The following PXDC1 variants were observed in gnomAD, a reference collection of about 807,000 sequenced individuals.
The protein encoded by PXDC1 is PX domain containing 1, also known as PX domain-containing protein 1.
Under a neutral mutation model 24.4 loss-of-function variants are expected in PXDC1, and 13 were observed. That is an observed-to-expected ratio of 0.53 (90% CI 0.35 to 0.85). The LOEUF (loss-of-function observed/expected upper bound fraction) is 0.85. PXDC1 is among the 40% of genes least tolerant of loss of function. The pLI, the probability that PXDC1 is intolerant of heterozygous loss-of-function variation, is 0.01. For missense variants in PXDC1, 344 were observed against 309.3 expected (o/e 1.11, Z -0.84); for synonymous variants, 162 against 124.9 (o/e 1.30, Z -1.98).
Position 3,737,397 on chromosome 6 carries a change from G to A in PXDC1, c.349-201C>T, listed in dbSNP as rs541773235. Among the ~76,000 whole-genome samples the A allele has an allele frequency of 1.3e-5, 2 of 152,328 alleles. No individual in the cohort carries two copies. Among genetic ancestry groups the A allele is most frequent in the South Asian group, 2.1e-4 (1 of 4,830 alleles). Reference sequence around the variant, plus strand: ...GCCCTCACATGCTCATGGCCCAGGCGGCTGAAAGGCAAGGCCTCAGCGACC... The same window carrying A: ...GCCCTCACATGCTCATGGCCCAGGCAGCTGAAAGGCAAGGCCTCAGCGACC... On this transcript the variant is annotated intron_variant, in intron 2 of 4. Coordinates refer to ENST00000380283, the MANE Select transcript of PXDC1 (RefSeq NM_183373.4). The surrounding 1 kb of genome is among the most constrained non-coding windows in gnomAD (Gnocchi z 5.5).
chr6:3,741,338 C>T (rs145917366), intron 1 of PXDC1, among the ~76,000 whole-genome samples: 85 of 152,338 alleles, frequency 5.6e-4, no homozygotes, highest in African/African-American at 2.0e-3. Context: ...AACAACCAAA[C>T]AAAAGGAGCC....
rs1333187872 is a variant in PXDC1 at position 3,723,075 on chromosome 6, TAAAAA to T, written c.*539_*543del. ...CCAAACCCAGTTTCCAGATAAAAGA[TAAAAA>T]GAAAAAAAAAAAGGCCACATATCCC... On this transcript the variant is annotated 3_prime_UTR_variant, in exon 5 of 5. Transcript: ENST00000380283. The T allele has an allele frequency of 6.3e-5, 9 of 141,830 alleles. No homozygotes were observed. Among genetic ancestry groups the T allele is most frequent in the South Asian group, 2.2e-4 (1 of 4,468 alleles). 8.8% of individuals were successfully genotyped at this position (141,830 alleles called of 1,614,324 possible). A position where few individuals can be genotyped will look rare whatever the true frequency, so the allele number is the denominator to read the frequency against.
At position 3,737,845 on chromosome 6, in the gene PXDC1, G is replaced by A; in HGVS notation, c.348+212C>T. The A allele has an allele frequency of 6.7e-6, 2 of 299,658 alleles. No individual in the cohort carries two copies. The highest frequency in any genetic ancestry group is 9.8e-6 in the Non-Finnish European group (2 of 203,228). The allele number at this position is 299,658 out of a possible 1,614,324, so 18.6% of individuals were successfully genotyped here. A position where few individuals can be genotyped will look rare whatever the true frequency, so the allele number is the denominator to read the frequency against. ...CTTTCCCCAGGGAGGAAAAACCGGG[G>A]CCACTGGAGCCCATGAAAGCCTTCT... is the stretch of plus-strand genomic sequence containing the variant. On this transcript the variant is annotated intron_variant, in intron 2 of 4. Transcript: ENST00000380283. The surrounding 1 kb of genome is among the most constrained non-coding windows in gnomAD (Gnocchi z 5.5).
chr6:3,731,790 G>T (rs567635152), intron 3 of PXDC1, among the ~76,000 whole-genome samples: 4 of 152,154 alleles, frequency 2.6e-5, no homozygotes, highest in Non-Finnish European at 4.4e-5. Context: ...AATGTCCCTC[G>T]ATTTGGGTTT....
Position 3,725,600 on chromosome 6 carries a change from G to A in PXDC1, c.579-1864C>T, listed in dbSNP as rs1042888392. ...CCGGCGGCACTGGGCTCACAGGCTC[G>A]GGCCAGACAATCAGCCTCGGGTGCC... On this transcript the variant is annotated intron_variant, in intron 4 of 4. Transcript: ENST00000380283. The surrounding 1 kb of genome is among the most constrained non-coding windows in gnomAD (Gnocchi z 4.8). Among the ~76,000 whole-genome samples the A allele has an allele frequency of 6.6e-6, 1 of 152,240 alleles. No individual in the cohort carries two copies. The highest frequency in any genetic ancestry group is 2.4e-5 in the African/African-American group (1 of 41,472).
intron 3 of PXDC1, 95 bp downstream of exon 3, chr6:3,736,984 G>A (rs1760332952): frequency 2.6e-6 from 2 of 764,326 alleles, no homozygotes; most frequent in African/African-American, 3.4e-5. Context: ...GGAAAAGTGT[G>A]GCCCAGCCTC....
chr6:3,741,326 T>G (rs1047669822), intron 1 of PXDC1, among the ~76,000 whole-genome samples: 5 of 152,214 alleles, frequency 3.3e-5, no homozygotes, highest in Middle Eastern at 3.2e-3. Context: ...GTAAACATCC[T>G]TAACAACCAA....
intron 3 of PXDC1, among the ~76,000 whole-genome samples, chr6:3,732,274 C>A (rs1250300269): frequency 6.6e-6 from 1 of 152,224 alleles, no homozygotes; most frequent in Non-Finnish European, 1.5e-5. Context: ...GCCTTCCTCC[C>A]TTTCACCTCC....
chr6:3,751,295 C>T lies in PXDC1; in HGVS notation c.237G>A (p.Ala79=), dbSNP rs1302555157. The part of the protein sequence containing the change: ...DAFPEDRSEL[A]QGPLRQGLVA... ...CCGCACCTTGCCGCAGCGGCCCCTG[C>T]GCCAGTTCGGACCGGTCCTCGGGAA... Residue 79 remains alanine (A), a synonymous_variant, in exon 1 of 5, where the codon GCG becomes GCA. Coordinates refer to ENST00000380283, the MANE Select transcript of PXDC1 (RefSeq NM_183373.4). The T allele has an allele frequency of 1.3e-6, 2 of 1,531,238 alleles. No homozygotes were observed. The highest frequency in any genetic ancestry group is 1.7e-6 in the Non-Finnish European group (2 of 1,143,584). The allele number at this position is 1,531,238 out of a possible 1,614,324, so 94.9% of individuals were successfully genotyped here.
At chr6:3,735,912 AG>A (rs1216176361) in intron 3 of PXDC1, among the ~76,000 whole-genome samples, 1 of 152,242 alleles carries the variant, frequency 6.6e-6, no homozygotes. Flanking sequence ...CAAACAAAAA[AG>A]TAAAAAACAA....
chr6:3,737,003 C>T lies in PXDC1; in HGVS notation c.466+76G>A, dbSNP rs1426871474. On this transcript the variant is annotated intron_variant, in intron 3 of 4. Transcript: ENST00000380283. This position sits in a 1 kb window ranked among gnomAD's most constrained non-coding sequence, Gnocchi z 5.5. Reference sequence around the variant, plus strand: ...AAGTGTGGCCCAGCCTCAGAGACAGCCAACTGTGAGGGTTTCTGTGACATC... The same window carrying T: ...AAGTGTGGCCCAGCCTCAGAGACAGTCAACTGTGAGGGTTTCTGTGACATC... 2.3e-6 allele frequency: 2 copies of T among 876,288 alleles called. No homozygotes were observed. The highest frequency in any genetic ancestry group is 1.4e-5 in the South Asian group (1 of 72,418). The allele number at this position is 876,288 out of a possible 1,614,324, so 54.3% of individuals were successfully genotyped here.
intron 1 of PXDC1, among the ~76,000 whole-genome samples, chr6:3,749,779 G>A (rs189077640): frequency 2.0e-5 from 3 of 152,150 alleles, no homozygotes; most frequent in Admixed American, 1.3e-4. Flanking sequence ...AGCCCCACGG[G>A]GATCCCGCTC....
chr6:3,745,116 G>A (rs1049650308), intron 1 of PXDC1, among the ~76,000 whole-genome samples: 1 of 152,206 alleles, frequency 6.6e-6, no homozygotes, highest in African/African-American at 2.4e-5. Context: ...TAGTCCGTAG[G>A]GATCCCACTG....
chr6:3,750,870 C>T (rs1256637759), intron 1 of PXDC1, among the ~76,000 whole-genome samples: 3 of 152,140 alleles, frequency 2.0e-5, no homozygotes, highest in African/African-American at 4.8e-5. Context: ...TAACTGCTCC[C>T]AGACGCTTTC....
chr6:3,738,936 C>A (rs780019340), intron 1 of PXDC1: 4 of 1,301,594 alleles, frequency 3.1e-6, no homozygotes, highest in Non-Finnish European at 3.0e-6. Flanking sequence ...GCGTCTCCCC[C>A]ACACTTGTGT....
rs759793438 is a variant in PXDC1 at position 3,724,225 on chromosome 6, G to A, written c.579-489C>T. ...GGCTGGAGAAGAGCCGGCGAGGCCC[G>A]TGGAGGTCACGGGGGGAGACACCTT... On this transcript the variant is annotated intron_variant, in intron 4 of 4. Coordinates refer to ENST00000380283, the MANE Select transcript of PXDC1 (RefSeq NM_183373.4). The surrounding 1 kb of genome is among the most constrained non-coding windows in gnomAD (Gnocchi z 4.5). Among the ~76,000 whole-genome samples, 17 of 152,282 alleles carry A rather than the reference G, an allele frequency of 1.1e-4. No homozygotes were observed. Among genetic ancestry groups the A allele is most frequent in the East Asian group, 1.9e-4 (1 of 5,174 alleles).
At chr6:3,739,505 A>G (rs1760406654) in intron 1 of PXDC1, among the ~76,000 whole-genome samples, 1 of 152,242 alleles carries the variant, frequency 6.6e-6, no homozygotes, top group African/African-American at 2.4e-5. Context: ...GCAGGGCACA[A>G]GGGTCCAAGA....
At chr6:3,733,729 C>T (rs1760254495) in intron 3 of PXDC1, among the ~76,000 whole-genome samples, 1 of 152,176 alleles carries the variant, frequency 6.6e-6, no homozygotes, top group Non-Finnish European at 1.5e-5. Flanking sequence ...CTGGCTGGTG[C>T]AGACTCCATG....
Position 3,737,909 on chromosome 6 carries a change from A to G in PXDC1, c.348+148T>C. On this transcript the variant is annotated intron_variant, in intron 2 of 4. Transcript: ENST00000380283. The surrounding 1 kb of genome is among the most constrained non-coding windows in gnomAD (Gnocchi z 5.5). ...ACCTGCACACCTCCACTCCGTCCCT[A>G]TCGCCTGGTACTACCAGGGAGGGAA... The G allele has an allele frequency of 1.4e-6, 1 of 730,308 alleles. No individual in the cohort carries two copies. The highest frequency in any genetic ancestry group is 1.7e-5 in the South Asian group (1 of 57,622). 45.2% of individuals were successfully genotyped at this position (730,308 alleles called of 1,614,324 possible). A position where few individuals can be genotyped will look rare whatever the true frequency, so the allele number is the denominator to read the frequency against.
Sources: gnomAD v4.1 joint callset for allele counts (sites outside exome capture counted in the v4.1 genomes callset) on GRCh38, gnomAD v4.1.1 for gene constraint, Gnocchi (gnomAD v3.1) non-coding constraint, MANE v1.5 for transcripts, NCBI Gene and HGNC (gene_info 2026-07-23, HGNC 2026-07-21) for gene names.